Variants in LAMA4 observed in about 807,000 individuals in gnomAD.
LAMA4 encodes laminin subunit alpha 4, also known as laminin subunit alpha-4.
LAMA4 carries 127 observed loss-of-function variants against 207.1 expected under a neutral mutation model. The ratio of observed to expected loss-of-function variants is 0.61; its 90% confidence interval spans 0.53 to 0.71. The LOEUF is 0.71. Ranked by LOEUF, LAMA4 falls within the 30% of genes least tolerant of loss-of-function variation. The pLI is 0.00. For synonymous variants in LAMA4, 761 were observed against 816.0 expected, an observed-to-expected ratio of 0.93 and a Z score of 1.15; for missense variants, 2,093 against 2,246.5, an observed-to-expected ratio of 0.93 and a Z score of 1.38.
At chr6:112,150,377 G>A (rs953977223) in intron 17 of LAMA4, 134 bp downstream of exon 17, 25 of 772,982 alleles carry the variant, frequency 3.2e-5, no homozygotes, top group South Asian at 3.2e-4. Flanking sequence ...TGTGATGAAC[G>A]TATTTTGTCA....
intron 23 of LAMA4, among the ~76,000 whole-genome samples, 183 bp downstream of exon 23, chr6:112,139,569 T>C (rs1554332512): frequency 6.6e-6 from 1 of 152,254 alleles, no homozygotes; most frequent in Non-Finnish European, 1.5e-5. Flanking sequence ...TAACACTTCA[T>C]ACTTGGGCAT....
chr6:112,137,710 G>A (rs1779437401), intron 24 of LAMA4, among the ~76,000 whole-genome samples: 1 of 152,208 alleles, frequency 6.6e-6, no homozygotes, highest in Non-Finnish European at 1.5e-5. Context: ...GTAGAGTGAT[G>A]TGAAAACATT....
At chr6:112,197,916 A>G (rs565619750) in intron 5 of LAMA4, among the ~76,000 whole-genome samples, 1 of 152,238 alleles carries the variant, frequency 6.6e-6, no homozygotes, top group Non-Finnish European at 1.5e-5. Context: ...GACACAGCAG[A>G]AAGTCCAGAA....
At chr6:112,126,799 T>A (rs115189781) in intron 31 of LAMA4, among the ~76,000 whole-genome samples, 2 of 152,216 alleles carry the variant, frequency 1.3e-5, no homozygotes, top group East Asian at 3.8e-4. Context: ...AATTTGTCCA[T>A]CAGAATTGCA....
intron 2 of LAMA4, among the ~76,000 whole-genome samples, chr6:112,241,154 T>TATATGAATAG (rs1554187616): frequency 6.2e-5 from 4 of 64,678 alleles, no homozygotes; most frequent in African/African-American, 1.9e-4. Context: ...TATATGAATA[T>TATATGAATAG]ATATATGAAT....
At chr6:112,199,079 C>T (rs1377072214) in intron 5 of LAMA4, among the ~76,000 whole-genome samples, 1 of 152,172 alleles carries the variant, frequency 6.6e-6, no homozygotes, top group Non-Finnish European at 1.5e-5. Context: ...CTGGAGCCTT[C>T]CACTCCAGCA....
intron 2 of LAMA4, chr6:112,216,779 A>AG (rs1562744451): frequency 2.7e-6 from 1 of 368,614 alleles, no homozygotes; most frequent in Non-Finnish European, 5.2e-6. Flanking sequence ...ACAGTAAGGG[A>AG]GAAAAAAATG....
At chr6:112,172,391 C>T (rs564323454) in intron 12 of LAMA4, 15 of 545,960 alleles carry the variant, frequency 2.7e-5, no homozygotes, top group East Asian at 9.9e-5. Flanking sequence ...AGAACTACTG[C>T]GTTCTTATCA....
At chr6:112,141,288 G>T in intron 21 of LAMA4, 70 bp downstream of exon 21, 1 of 1,309,402 alleles carries the variant, frequency 7.6e-7, no homozygotes, top group Non-Finnish European at 1.1e-6. Flanking sequence ...GTGTGTGCAC[G>T]CACATGTGCA....
chr6:112,201,097 C>T (rs1273834423), intron 5 of LAMA4, among the ~76,000 whole-genome samples: 1 of 150,648 alleles, frequency 6.6e-6, no homozygotes, highest in African/African-American at 2.4e-5. Context: ...ATCCAGAAAA[C>T]CTAAACTCCT....
chr6:112,112,770 T>G (rs3777943), intron 38 of LAMA4, among the ~76,000 whole-genome samples: 37,865 of 152,120 alleles, frequency 0.25, 4,729 homozygotes, highest in East Asian at 0.32. Flanking sequence ...AGTGCTTAGT[T>G]GTTACTATTT....
chr6:112,221,109 G>A lies in LAMA4; in HGVS notation c.196-4640C>T, dbSNP rs567521974. 5.3e-5 allele frequency among the ~76,000 whole-genome samples: 8 copies of A among 152,196 alleles called. No homozygotes were observed. The East Asian group carries it at 1.5e-3, about 29-fold the overall frequency. ...AAACCAACAATGGCAAAACTTGATG[G>A]GATTTAGGAAGAGTTTGAAGTTGTC... On this transcript the variant is annotated intron_variant, in intron 2 of 38. Coordinates refer to ENST00000230538, the MANE Select transcript of LAMA4 (RefSeq NM_001105206.3).
Position 112,140,886 on chromosome 6 carries a change from C to T in LAMA4, c.2850G>A (p.Pro950=), listed in dbSNP as rs368741631. 4.6e-5 allele frequency: 74 copies of T among 1,613,826 alleles called. No individual in the cohort carries two copies. Among genetic ancestry groups the T allele is most frequent in the African/African-American group, 3.6e-4 (27 of 75,030 alleles). Reference sequence around the variant, plus strand: ...TTTCCTCTGCTGTGCTACTTAGACTCGGGACTGTTAAAAACACCTTTCCAT... The same window carrying T: ...TTTCCTCTGCTGTGCTACTTAGACTTGGGACTGTTAAAAACACCTTTCCAT... ...GKHGKVFLTV[P]SLSSTAEEKF... Residue 950 remains proline, a synonymous_variant, in exon 22 of 39, where the codon CCG becomes CCA. Transcript: ENST00000230538.
chr6:112,128,445 A>G (rs1263588308), intron 31 of LAMA4, among the ~76,000 whole-genome samples: 1 of 152,128 alleles, frequency 6.6e-6, no homozygotes, highest in African/African-American at 2.4e-5. Flanking sequence ...CGGGAGGAGG[A>G]TAGGCTGAGG....
At chr6:112,201,458 T>C (rs1376406463) in intron 5 of LAMA4, 150 bp downstream of exon 5, 1 of 778,838 alleles carries the variant, frequency 1.3e-6, no homozygotes, top group Non-Finnish European at 2.3e-6. Flanking sequence ...TAGGAAAACT[T>C]CCCTAAGGGG....
chr6:112,252,578 G>C (rs7766787), intron 2 of LAMA4, among the ~76,000 whole-genome samples: 1 of 151,992 alleles, frequency 6.6e-6, no homozygotes, highest in Admixed American at 6.5e-5. Flanking sequence ...TTTGGGATGT[G>C]ATCAAAATTC....
chr6:112,172,915 G>A, intron 11 of LAMA4, 111 bp from the exon 12 acceptor site: 1 of 784,086 alleles, frequency 1.3e-6, no homozygotes, highest in Non-Finnish European at 2.2e-6. Flanking sequence ...CTTTAGCAAT[G>A]GAGATTGAAG....
chr6:112,171,378 G>C (rs1419872126), intron 12 of LAMA4, among the ~76,000 whole-genome samples: 4 of 152,170 alleles, frequency 2.6e-5, no homozygotes, highest in African/African-American at 9.7e-5. Flanking sequence ...ACTAAGGTGA[G>C]CTGCTCTGGC....
intron 35 of LAMA4, 35 bp from the exon 36 acceptor site, chr6:112,116,028 G>A: frequency 6.3e-7 from 1 of 1,589,724 alleles, no homozygotes; most frequent in South Asian, 1.1e-5. Flanking sequence ...CCCAAGAACA[G>A]CAAGATCATA....
Sources: gnomAD v4.1 joint callset for allele counts (sites outside exome capture counted in the v4.1 genomes callset) on GRCh38, gnomAD v4.1.1 for gene constraint, MANE v1.5 for transcripts, NCBI Gene and HGNC (gene_info 2026-07-23, HGNC 2026-07-21) for gene names.